Variants in REDIC1 observed in about 807,000 individuals in gnomAD.
The protein encoded by REDIC1 is HEI10 Interacting Protein 1.
chr12:39,750,869 C>T, the REDIC1 span, among the ~76,000 whole-genome samples: 2 of 152,158 alleles, frequency 1.3e-5, no homozygotes, highest in Non-Finnish European at 2.9e-5. Context: ...ATGTAGAAAG[C>T]TGAAACTGGA....
the REDIC1 span, among the ~76,000 whole-genome samples, chr12:39,715,301 C>A: frequency 6.6e-6 from 1 of 151,904 alleles, no homozygotes. Context: ...TAGCCCAGCA[C>A]CATTTGTTGA....
chr12:39,629,844 G>T, the REDIC1 span, among the ~76,000 whole-genome samples: 1 of 152,006 alleles, frequency 6.6e-6, no homozygotes, highest in African/African-American at 2.4e-5. Context: ...ATAATAGCAG[G>T]TTTTTCAATT....
the REDIC1 span, among the ~76,000 whole-genome samples, chr12:39,713,779 GTAAA>G: frequency 1.4e-5 from 2 of 146,882 alleles, no homozygotes; most frequent in African/African-American, 2.5e-5. Flanking sequence ...ATATTTGTAC[GTAAA>G]TATACATAGA....
the REDIC1 span, among the ~76,000 whole-genome samples, chr12:39,713,133 G>C: frequency 4.0e-5 from 6 of 149,028 alleles, 2 homozygotes; most frequent in East Asian, 1.2e-3. Context: ...GTGCATATAC[G>C]TATATATGTA....
the REDIC1 span, chr12:39,864,990 T>C: frequency 1.1e-5 from 11 of 1,045,754 alleles, no homozygotes; most frequent in Admixed American, 3.2e-4. Context: ...CAAAAACTCC[T>C]GAAAAAAAAA....
At chr12:39,779,034 A>G in the REDIC1 span, among the ~76,000 whole-genome samples, 1 of 152,210 alleles carries the variant, frequency 6.6e-6, no homozygotes, top group African/African-American at 2.4e-5. Flanking sequence ...CTTTGTGACA[A>G]CTAGAATATG....
the REDIC1 span, among the ~76,000 whole-genome samples, chr12:39,790,630 T>C: frequency 7.7e-6 from 1 of 130,326 alleles, no homozygotes; most frequent in Admixed American, 8.2e-5. Context: ...TGTTGGACAT[T>C]TGGGTTGGTT....
the REDIC1 span, among the ~76,000 whole-genome samples, chr12:39,856,614 AC>A: frequency 2.0e-5 from 3 of 152,058 alleles, no homozygotes; most frequent in African/African-American, 7.2e-5. Flanking sequence ...TGATTTGCCC[AC>A]CTCGGCCTCC....
the REDIC1 span, among the ~76,000 whole-genome samples, chr12:39,879,910 TC>T: frequency 6.6e-6 from 1 of 152,164 alleles, no homozygotes; most frequent in South Asian, 2.1e-4. Context: ...TGAATTGTAA[TC>T]CCAAGGCTGG....
chr12:39,665,433 T>A, the REDIC1 span, among the ~76,000 whole-genome samples: 2 of 151,728 alleles, frequency 1.3e-5, no homozygotes, highest in African/African-American at 4.8e-5. Flanking sequence ...TTGTTCTATA[T>A]CTCTGTTTTG....
chr12:39,734,145 C>T, the REDIC1 span, among the ~76,000 whole-genome samples: 15 of 152,282 alleles, frequency 9.9e-5, no homozygotes, highest in Admixed American at 9.8e-4. Context: ...CTCACAGCTT[C>T]CCTTGACTAG....
At chr12:39,805,610 T>A in the REDIC1 span, among the ~76,000 whole-genome samples, 3 of 152,146 alleles carry the variant, frequency 2.0e-5, no homozygotes, top group East Asian at 3.8e-4. Context: ...CAGTATTTTT[T>A]AAAAGGTTTG....
chr12:39,747,945 A>G, the REDIC1 span, among the ~76,000 whole-genome samples: 1 of 152,238 alleles, frequency 6.6e-6, no homozygotes, highest in Non-Finnish European at 1.5e-5. Flanking sequence ...CATGGAAAGG[A>G]ACAACCGGTA....
the REDIC1 span, among the ~76,000 whole-genome samples, chr12:39,900,643 A>G: frequency 1.3e-5 from 2 of 152,206 alleles, no homozygotes; most frequent in South Asian, 4.1e-4. Context: ...GACGTGAAGG[A>G]CCTCTTCAAG....
At chr12:39,769,944 C>T in the REDIC1 span, among the ~76,000 whole-genome samples, 1 of 152,042 alleles carries the variant, frequency 6.6e-6, no homozygotes, top group Admixed American at 6.6e-5. Flanking sequence ...TCCTAACATA[C>T]AAATTCAGGT....
chr12:39,700,825 C>G, the REDIC1 span, among the ~76,000 whole-genome samples: 12 of 152,016 alleles, frequency 7.9e-5, no homozygotes, highest in Admixed American at 7.2e-4. Context: ...AATTTCATAT[C>G]CAGCCAAACT....
At chr12:39,744,916 A>G in the REDIC1 span, among the ~76,000 whole-genome samples, 1 of 152,194 alleles carries the variant, frequency 6.6e-6, no homozygotes. Flanking sequence ...TCAAAAAACA[A>G]GACTCCACTA....
chr12:39,749,194 G>C, the REDIC1 span, among the ~76,000 whole-genome samples: 11 of 152,112 alleles, frequency 7.2e-5, no homozygotes, highest in African/African-American at 2.4e-4. Context: ...AAGAAGAAAA[G>C]AGAGAAGAAT....
the REDIC1 span, among the ~76,000 whole-genome samples, chr12:39,773,097 C>A: frequency 6.6e-6 from 1 of 152,198 alleles, no homozygotes; most frequent in Non-Finnish European, 1.5e-5. Context: ...GAACATAATG[C>A]TCCCGAAAAG....
Sources: allele counts gnomAD v4.1 joint callset (sites outside exome capture counted in the v4.1 genomes callset), GRCh38; gene constraint gnomAD v4.1.1; transcripts MANE v1.5; gene names NCBI Gene and HGNC (gene_info 2026-07-23, HGNC 2026-07-21).